Variants in DOCK4 observed in about 807,000 individuals in gnomAD.
The protein encoded by DOCK4 is dedicator of cytokinesis protein 4.
A neutral mutation model predicts 268.1 loss-of-function variants in DOCK4; 97 were observed. The ratio of observed to expected loss-of-function variants is 0.36; its 90% CI spans 0.31 to 0.43. The LOEUF (loss-of-function observed/expected upper bound fraction) is 0.43, where lower values mean the gene tolerates loss of function less well. DOCK4 is among the 20% of genes least tolerant of loss of function. DOCK4 has a pLI of 1.00. For synonymous variants in DOCK4, 954 were observed against 887.2 expected, an observed-to-expected ratio of 1.08 and a Z score of -1.34; for missense variants, 2,145 against 2,455.7, an observed-to-expected ratio of 0.87 and a Z score of 2.67.
At chr7:111,896,489 T>G (rs1010288121) in intron 15 of DOCK4, among the ~76,000 whole-genome samples, 10 of 147,092 alleles carry the variant, frequency 6.8e-5, no homozygotes, top group East Asian at 2.0e-4. Context: ...CCACCAAGGT[T>G]TTTTTTTTTT....
chr7:112,004,602 T>TA (rs544342819), intron 1 of DOCK4, among the ~76,000 whole-genome samples: 1 of 152,366 alleles, frequency 6.6e-6, no homozygotes, highest in African/African-American at 2.4e-5. Context: ...TTCTTTTCCA[T>TA]AAACTGTAAG....
At chr7:112,080,751 T>C (rs1808507737) in intron 1 of DOCK4, among the ~76,000 whole-genome samples, 1 of 152,164 alleles carries the variant, frequency 6.6e-6, no homozygotes, top group Admixed American at 6.5e-5. Flanking sequence ...TATATCCAAA[T>C]ACGTAAGACA....
At chr7:111,780,290 C>T (rs890484222) in intron 35 of DOCK4, among the ~76,000 whole-genome samples, 1 of 152,148 alleles carries the variant, frequency 6.6e-6, no homozygotes, top group African/African-American at 2.4e-5. Context: ...ATTATCCTCC[C>T]TCTTTTATTC....
intron 12 of DOCK4, among the ~76,000 whole-genome samples, chr7:111,934,711 T>TTG (rs1159200855): frequency 6.7e-6 from 1 of 148,888 alleles, no homozygotes; most frequent in East Asian, 2.0e-4. Context: ...TGTATTTTTT[T>TTG]TTTTTTTTTA....
chr7:111,935,448 A>T, intron 12 of DOCK4, 92 bp downstream of exon 12: 1 of 1,113,446 alleles, frequency 9.0e-7, no homozygotes, highest in South Asian at 1.2e-5. Context: ...ACAGAAAAAC[A>T]AAGGGCTGAT....
intron 23 of DOCK4, among the ~76,000 whole-genome samples, chr7:111,848,918 A>G (rs1441255035): frequency 1.3e-5 from 2 of 152,192 alleles, no homozygotes; most frequent in South Asian, 2.1e-4. Context: ...ACCATTGACC[A>G]TCCCTTTATC....
intron 8 of DOCK4, among the ~76,000 whole-genome samples, chr7:111,962,580 T>C (rs971909570): frequency 2.6e-5 from 4 of 152,156 alleles, no homozygotes; most frequent in Admixed American, 6.6e-5. Flanking sequence ...GGTATGTGTC[T>C]TGGGGGTGAA....
chr7:112,145,368 C>T (rs1586915762), intron 1 of DOCK4, among the ~76,000 whole-genome samples: 2 of 152,168 alleles, frequency 1.3e-5, no homozygotes, highest in Admixed American at 6.5e-5. Flanking sequence ...TAGGAACATA[C>T]ACATACTAAT....
chr7:111,781,035 G>A (rs1193808547), intron 35 of DOCK4, among the ~76,000 whole-genome samples: 1 of 152,170 alleles, frequency 6.6e-6, no homozygotes, highest in Non-Finnish European at 1.5e-5. Flanking sequence ...TGGGAGACTA[G>A]AGTAAATACA....
intron 27 of DOCK4, among the ~76,000 whole-genome samples, chr7:111,812,921 G>T (rs1256585156): frequency 6.6e-6 from 1 of 152,174 alleles, no homozygotes; most frequent in Admixed American, 6.5e-5. Flanking sequence ...TAGGTAGCTC[G>T]CTGGGGAGAT....
At chr7:112,016,156 G>T (rs2135386759) in intron 1 of DOCK4, among the ~76,000 whole-genome samples, 1 of 152,300 alleles carries the variant, frequency 6.6e-6, no homozygotes, top group South Asian at 2.1e-4. Context: ...TCCTGTCCAG[G>T]ATTGCACATT....
At chr7:111,994,897 G>A (rs1193425182) in intron 4 of DOCK4, among the ~76,000 whole-genome samples, 2 of 151,988 alleles carry the variant, frequency 1.3e-5, no homozygotes, top group Admixed American at 6.6e-5. Flanking sequence ...TTAGAGTAAC[G>A]TAGTCTTCTC....
chr7:111,983,858 G>GCACACACACACACACACACACA (rs1300676029), intron 7 of DOCK4, among the ~76,000 whole-genome samples: 12 of 89,944 alleles, frequency 1.3e-4, no homozygotes, highest in Admixed American at 5.5e-4. Flanking sequence ...GCGCGCGCGC[G>GCACACACACACACACACACACA]CGCGCACACA....
intron 25 of DOCK4, among the ~76,000 whole-genome samples, chr7:111,840,198 A>G (rs1372445469): frequency 6.6e-6 from 1 of 152,202 alleles, no homozygotes; most frequent in African/African-American, 2.4e-5. Flanking sequence ...CACGAAACCT[A>G]TTATACACAT....
At chr7:112,128,743 C>G (rs1267398099) in intron 1 of DOCK4, among the ~76,000 whole-genome samples, 2 of 152,006 alleles carry the variant, frequency 1.3e-5, no homozygotes, top group South Asian at 2.1e-4. Context: ...CATCACCACT[C>G]CCTAATCTCA....
chr7:111,912,329 G>T (rs1792174206), intron 13 of DOCK4, among the ~76,000 whole-genome samples: 1 of 152,058 alleles, frequency 6.6e-6, no homozygotes, highest in East Asian at 1.9e-4. Context: ...CCTTTTCTTG[G>T]TTGTGGAGGG....
intron 1 of DOCK4, among the ~76,000 whole-genome samples, chr7:112,092,463 A>G (rs1586806534): frequency 2.0e-5 from 3 of 152,142 alleles, no homozygotes; most frequent in African/African-American, 7.2e-5. Flanking sequence ...TGACGTGTGC[A>G]CACTTTTGAT....
intron 42 of DOCK4, among the ~76,000 whole-genome samples, chr7:111,750,960 G>A (rs2133510916): frequency 6.6e-6 from 1 of 152,250 alleles, no homozygotes; most frequent in South Asian, 2.1e-4. Context: ...CTGTACCTCA[G>A]GGTAATCAAA....
intron 10 of DOCK4, 78 bp from the exon 11 acceptor site, chr7:111,940,320 T>C: frequency 6.3e-7 from 1 of 1,577,786 alleles, no homozygotes; most frequent in Non-Finnish European, 8.7e-7. Flanking sequence ...CATACAGCTA[T>C]AAGATAGGCC....
Sources: allele counts gnomAD v4.1 joint callset (sites outside exome capture counted in the v4.1 genomes callset), GRCh38; gene constraint gnomAD v4.1.1; transcripts MANE v1.5; gene names NCBI Gene and HGNC (gene_info 2026-07-23, HGNC 2026-07-21).